The following NEGR1 variants were observed in gnomAD, a reference collection of about 807,000 sequenced individuals.
NEGR1 encodes the protein neuronal growth regulator 1, also known as IgLON family member 4.
NEGR1 carries 10 observed loss-of-function variants against 40.9 expected under a neutral mutation model. The observed-to-expected ratio is 0.24, with a 90% confidence interval of 0.15 to 0.42. NEGR1 has a LOEUF of 0.42. NEGR1 is among the 10% of genes least tolerant of loss of function. NEGR1 has a pLI of 1.00. For missense variants in NEGR1, 352 were observed against 438.9 expected, an observed-to-expected ratio of 0.80 and a Z score of 1.77; for synonymous variants, 185 against 166.8, an observed-to-expected ratio of 1.11 and a Z score of -0.84.
intron 1 of NEGR1, among the ~76,000 whole-genome samples, chr1:72,149,941 G>C (rs79103491): frequency 0.075 from 10,994 of 145,926 alleles, 544 homozygotes; most frequent in South Asian, 0.12. Flanking sequence ...AAAACACCAA[G>C]GACAAGTATC....
intron 1 of NEGR1, among the ~76,000 whole-genome samples, chr1:71,944,223 G>T (rs896838665): frequency 6.6e-6 from 1 of 152,190 alleles, no homozygotes; most frequent in Admixed American, 6.5e-5. Flanking sequence ...TCCTGGAGAA[G>T]TTGGACTTTC....
intron 2 of NEGR1, among the ~76,000 whole-genome samples, chr1:71,778,992 T>C (rs1307231780): frequency 6.6e-6 from 1 of 152,118 alleles, no homozygotes; most frequent in African/African-American, 2.4e-5. Context: ...AGGTGTGACA[T>C]GTCATTCTCA....
intron 1 of NEGR1, among the ~76,000 whole-genome samples, chr1:72,180,233 GT>G (rs551869164): frequency 7.2e-5 from 11 of 152,094 alleles, no homozygotes; most frequent in Admixed American, 1.3e-4. Flanking sequence ...AACCTAGATA[GT>G]TAACTAATTA....
chr1:71,589,152 T>G (rs1649412379), intron 6 of NEGR1, among the ~76,000 whole-genome samples: 2 of 152,126 alleles, frequency 1.3e-5, no homozygotes, highest in African/African-American at 4.8e-5. Context: ...AGTGGTTGAT[T>G]TTCAGATGTT....
rs1222715931 is a variant in NEGR1 at position 71,697,924 on chromosome 1, C to T, written c.667+84G>A. ...TTACCAATAGACAACCTCTTAAAAA[C>T]AGCAACATAAATTTCAGTCAGAATT... On this transcript the variant is annotated intron_variant, in intron 4 of 6. Coordinates refer to ENST00000357731, the MANE Select transcript of NEGR1 (RefSeq NM_173808.3). 54 of 1,352,116 alleles carry T rather than the reference C, an allele frequency of 4.0e-5. No homozygotes were observed. The Admixed American group carries it at 9.3e-4, about 23-fold the overall frequency. The allele number at this position is 1,352,116 out of a possible 1,614,324, so 83.8% of individuals were successfully genotyped here.
At chr1:72,180,028 A>T (rs1032690810) in intron 1 of NEGR1, among the ~76,000 whole-genome samples, 1 of 152,068 alleles carries the variant, frequency 6.6e-6, no homozygotes, top group Non-Finnish European at 1.5e-5. Flanking sequence ...AATAGAAAAA[A>T]ATCCTAAAAT....
At chr1:72,246,748 C>A (rs1367933790) in intron 1 of NEGR1, among the ~76,000 whole-genome samples, 1 of 152,228 alleles carries the variant, frequency 6.6e-6, no homozygotes, top group African/African-American at 2.4e-5. Context: ...ACTGGGGACT[C>A]TGTGTGGGAG....
At chr1:71,989,161 G>T (rs1646429134) in intron 1 of NEGR1, among the ~76,000 whole-genome samples, 2 of 152,120 alleles carry the variant, frequency 1.3e-5, no homozygotes, top group African/African-American at 4.8e-5. Flanking sequence ...GTGAAATGCT[G>T]AAGACCTGTT....
intron 3 of NEGR1, among the ~76,000 whole-genome samples, chr1:71,706,927 T>C (rs1247473084): frequency 6.6e-6 from 1 of 151,978 alleles, no homozygotes; most frequent in Non-Finnish European, 1.5e-5. Flanking sequence ...TACCAGCTGA[T>C]GATTCTGGGA....
intron 1 of NEGR1, among the ~76,000 whole-genome samples, chr1:72,155,078 AC>A (rs1651309728): frequency 6.6e-6 from 1 of 151,968 alleles, no homozygotes; most frequent in Non-Finnish European, 1.5e-5. Context: ...TTCTGATTCT[AC>A]TTTTTTTGCA....
In NEGR1 at chr1:71,583,510, C is replaced by G. The variant is rs138506002; in HGVS notation, c.940+9307G>C. 9.2e-5 allele frequency among the ~76,000 whole-genome samples: 14 copies of G among 152,272 alleles called. No individual in the cohort carries two copies. In the East Asian group the frequency reaches 2.7e-3, roughly 29 times the overall value. The stretch of plus-strand genomic sequence containing the variant: ...TTATCCTTTTCCAGCAGAGTCAAGC[C>G]TGCAGAGTTGATGTGCATCTATCAC... On this transcript the variant is annotated intron_variant, in intron 6 of 6. Coordinates refer to ENST00000357731, the MANE Select transcript of NEGR1 (RefSeq NM_173808.3).
At chr1:71,970,691 G>GA (rs111854571) in intron 1 of NEGR1, among the ~76,000 whole-genome samples, 273 of 149,048 alleles carry the variant, frequency 1.8e-3, no homozygotes, top group African/African-American at 5.7e-3. Context: ...CTGTCTCAAA[G>GA]AAAAAAAAAA....
intron 6 of NEGR1, among the ~76,000 whole-genome samples, chr1:71,452,915 G>A (rs1005553896): frequency 4.6e-5 from 7 of 151,886 alleles, no homozygotes; most frequent in Admixed American, 1.3e-4. Context: ...TATTTCAGTA[G>A]CATAAACACA....
chr1:72,004,779 T>C (rs1422273086), intron 1 of NEGR1, among the ~76,000 whole-genome samples: 3 of 152,132 alleles, frequency 2.0e-5, no homozygotes, highest in Non-Finnish European at 4.4e-5. Flanking sequence ...ACTTAGAATA[T>C]GATATTTAGG....
chr1:71,721,223 CA>C (rs1455907688), intron 3 of NEGR1, among the ~76,000 whole-genome samples: 5 of 152,086 alleles, frequency 3.3e-5, no homozygotes, highest in African/African-American at 1.2e-4. Flanking sequence ...TGAAAACTTA[CA>C]AAAAGTCGAA....
chr1:71,827,497 T>C (rs1381560440), intron 2 of NEGR1, among the ~76,000 whole-genome samples: 2 of 151,872 alleles, frequency 1.3e-5, no homozygotes, highest in Non-Finnish European at 2.9e-5. Context: ...CCTTACAGTT[T>C]GTGACTCACT....
At chr1:72,029,819 T>TA (rs1197387214) in intron 1 of NEGR1, among the ~76,000 whole-genome samples, 1 of 152,126 alleles carries the variant, frequency 6.6e-6, no homozygotes, top group Non-Finnish European at 1.5e-5. Flanking sequence ...TAAAAATCTC[T>TA]AAAAAAGAAA....
intron 3 of NEGR1, among the ~76,000 whole-genome samples, chr1:71,757,330 G>A (rs984837313): frequency 2.0e-5 from 3 of 151,984 alleles, no homozygotes; most frequent in African/African-American, 7.2e-5. Context: ...AAAATTGGAA[G>A]GCATAACAAC....
intron 2 of NEGR1, among the ~76,000 whole-genome samples, chr1:71,798,601 A>C (rs1392955882): frequency 6.6e-6 from 1 of 152,222 alleles, no homozygotes; most frequent in Non-Finnish European, 1.5e-5. Context: ...TGATGGGGCG[A>C]CTAAGGCTAA....
Sources: gnomAD v4.1 joint callset for allele counts (sites outside exome capture counted in the v4.1 genomes callset) on GRCh38, gnomAD v4.1.1 for gene constraint, MANE v1.5 for transcripts, NCBI Gene and HGNC (gene_info 2026-07-23, HGNC 2026-07-21) for gene names.